DMRT3: variants seen among roughly 807,000 people sequenced by gnomAD.
DMRT3 encodes the protein doublesex and mab-3 related transcription factor 3, also known as doublesex- and mab-3-related transcription factor 3.
A neutral mutation model predicts 34.9 loss-of-function variants in DMRT3; 29 were observed. The ratio of observed to expected loss-of-function variants is 0.83; its 90% CI spans 0.62 to 1.13. DMRT3 has a LOEUF of 1.13. Ranked by LOEUF, DMRT3 falls within the 50% of genes most tolerant of loss-of-function variation. DMRT3 has a pLI of 0.00. For synonymous variants in DMRT3, 350 were observed against 286.0 expected, an observed-to-expected ratio of 1.22 and a Z score of -2.26; for missense variants, 772 against 629.1, an observed-to-expected ratio of 1.23 and a Z score of -2.43.
rs1445012522 is a variant in DMRT3, at chr9:976,826, G to A, written c.-176G>A. ...CCGAGCTGTGAGCGCGAAGGGAGCT[G>A]GAGAGACGACTGCGGCACCTCCGGC... On this transcript the variant is annotated 5_prime_UTR_variant, in exon 1 of 2. Coordinates refer to ENST00000190165, the MANE Select transcript of DMRT3 (RefSeq NM_021240.4). This position sits in a 1 kb window ranked among gnomAD's most constrained non-coding sequence, Gnocchi z 4.5. The A allele has an allele frequency of 3.7e-6, 2 of 540,630 alleles. No individual in the cohort carries two copies. The highest frequency in any genetic ancestry group is 2.0e-5 in the African/African-American group (1 of 50,296). The allele number at this position is 540,630 out of a possible 1,614,324, so 33.5% of individuals were successfully genotyped here. A position where few individuals can be genotyped will look rare whatever the true frequency, so the allele number is the denominator to read the frequency against.
At chr9:977,545 A>G (rs1325357055) in intron 1 of DMRT3, 90 bp downstream of exon 1, 2 of 1,127,440 alleles carry the variant, frequency 1.8e-6, no homozygotes, top group African/African-American at 1.6e-5. Context: ...ACTGGAGGCA[A>G]AGTTTTGGGA....
chr9:990,647 T>C lies in DMRT3; in HGVS notation c.1061T>C (p.Leu354Ser), dbSNP rs776236381. The C allele has an allele frequency of 5.6e-6, 9 of 1,614,030 alleles. No individual in the cohort carries two copies. The highest frequency in any genetic ancestry group is 7.6e-6 in the Non-Finnish European group (9 of 1,180,022). The part of the protein sequence containing the change: ...ADSSNVVPSP[L>S]AGPLQPPFPQ... Reference sequence around the variant, plus strand: ...TCTAGCAACGTTGTCCCCAGTCCCTTGGCTGGGCCTCTGCAGCCCCCTTTC... The same window carrying C: ...TCTAGCAACGTTGTCCCCAGTCCCTCGGCTGGGCCTCTGCAGCCCCCTTTC... Residue 354 changes from leucine to serine, a missense_variant, in exon 2 of 2, where the codon TTG (leucine) becomes TCG (serine). Transcript: ENST00000190165.
At chr9:981,330 C>T (rs925070846) in intron 1 of DMRT3, among the ~76,000 whole-genome samples, 2 of 151,876 alleles carry the variant, frequency 1.3e-5, no homozygotes, top group African/African-American at 2.4e-5. Context: ...ACGGAACACT[C>T]GTCCAGGCCA....
intron 1 of DMRT3, among the ~76,000 whole-genome samples, chr9:988,909 C>T (rs1820316426): frequency 1.3e-5 from 2 of 152,210 alleles, no homozygotes; most frequent in Admixed American, 1.3e-4. Context: ...AAATATGTTT[C>T]TTTATTATAA....
intron 1 of DMRT3, among the ~76,000 whole-genome samples, chr9:978,310 C>T (rs1289172775): frequency 6.6e-6 from 1 of 152,196 alleles, no homozygotes; most frequent in African/African-American, 2.4e-5. Flanking sequence ...GTCTCTTAGT[C>T]TCTCTCTTCC....
rs768047861 is a variant in DMRT3, at chr9:990,571, T to G, written c.985T>G (p.Ser329Ala). 1 of 1,614,110 alleles carries G rather than the reference T, an allele frequency of 6.2e-7. No homozygotes were observed. The highest frequency in any genetic ancestry group is 8.5e-7 in the Non-Finnish European group (1 of 1,180,028). Reference protein sequence around the residue: ...SSYPISSSKWSVGSAFRVPDT... With the variant: ...SSYPISSSKWAVGSAFRVPDT... ...CTACCCCATCTCGTCTTCCAAATGG[T>G]CTGTGGGATCAGCCTTTCGAGTCCC... Residue 329 changes from serine (S) to alanine (A), a missense_variant, in exon 2 of 2, where the codon TCT (serine) becomes GCT (alanine). Coordinates refer to ENST00000190165, the MANE Select transcript of DMRT3 (RefSeq NM_021240.4).
chr9:985,794 G>A (rs1725115242), intron 1 of DMRT3, among the ~76,000 whole-genome samples: 1 of 152,178 alleles, frequency 6.6e-6, no homozygotes, highest in South Asian at 2.1e-4. Flanking sequence ...CATGTTGATG[G>A]GGATTTGGCT....
intron 1 of DMRT3, among the ~76,000 whole-genome samples, chr9:981,540 A>C (rs979706605): frequency 6.6e-6 from 1 of 152,218 alleles, no homozygotes; most frequent in Non-Finnish European, 1.5e-5. Flanking sequence ...TACAGGCACT[A>C]AGGTCTCTTC....
At chr9:980,864 C>A (rs1369608304) in intron 1 of DMRT3, among the ~76,000 whole-genome samples, 1 of 152,118 alleles carries the variant, frequency 6.6e-6, no homozygotes. Flanking sequence ...CCCTTCCCTA[C>A]CCCCAACTTT....
rs567149898 is a variant in DMRT3, at chr9:990,204, T to C, written c.618T>C (p.Ala206=). 6.2e-6 allele frequency: 10 copies of C among 1,613,970 alleles called. No individual in the cohort carries two copies. In the South Asian group the frequency reaches 9.9e-5, roughly 16 times the overall value. The part of the protein sequence containing the change: ...EIVSVEEGGY[A]VQKNGGNPES... ...TGTCCGTGGAGGAAGGGGGATACGC[T>C]GTCCAGAAAAACGGAGGCAACCCCG... Residue 206 remains alanine (A), a synonymous_variant, in exon 2 of 2, where the codon GCT becomes GCC. Coordinates refer to ENST00000190165, the MANE Select transcript of DMRT3 (RefSeq NM_021240.4).
chr9:987,383 AT>A (rs1294191564), intron 1 of DMRT3, among the ~76,000 whole-genome samples: 1 of 150,982 alleles, frequency 6.6e-6, no homozygotes, highest in Non-Finnish European at 1.5e-5. Context: ...TTGGAATTCC[AT>A]TCCTTTTTAA....
Position 983,212 on chromosome 9 carries a change from G to A in DMRT3, c.454+5757G>A, listed in dbSNP as rs146509695. On this transcript the variant is annotated intron_variant, in intron 1 of 1. Transcript: ENST00000190165. ...AATAATAATGAAAAACTTAAGAGTC[G>A]GCACATCAATTCTTTACAAAATCTC... 6.8e-3 allele frequency among the ~76,000 whole-genome samples: 1,037 copies of A among 152,056 alleles called. 7 individuals are homozygous for A. Among genetic ancestry groups the A allele is most frequent in the African/African-American group, 0.024 (997 of 41,432 alleles).
At chr9:984,618 G>A (rs927175534) in intron 1 of DMRT3, among the ~76,000 whole-genome samples, 4 of 151,840 alleles carry the variant, frequency 2.6e-5, no homozygotes, top group Non-Finnish European at 5.9e-5. Context: ...CACCATGCTC[G>A]GCTATTTTTT....
chr9:990,400 A>C lies in DMRT3; in HGVS notation c.814A>C (p.Lys272Gln), dbSNP rs761022905. The part of the protein sequence containing the change: ...QKPTVLELIL[K>Q]GCGGDLVSAV... Reference sequence around the variant, plus strand: ...GCCAACGGTGCTTGAGCTCATCCTCAAGGGCTGTGGCGGGGACCTGGTGAG... The same window carrying C: ...GCCAACGGTGCTTGAGCTCATCCTCCAGGGCTGTGGCGGGGACCTGGTGAG... The change falls in exon 2 of 2, where the codon AAG (lysine) becomes CAG (glutamine). Residue 272 changes from lysine (K) to glutamine (Q), a missense_variant. Lys to Gln is a moderately conservative substitution (Grantham distance 53). Coordinates refer to ENST00000190165, the MANE Select transcript of DMRT3 (RefSeq NM_021240.4). 1.9e-6 allele frequency: 3 copies of C among 1,614,032 alleles called. No homozygotes were observed. The East Asian group carries it at 6.7e-5, about 36-fold the overall frequency.
At chr9:987,508 C>T (rs1820301020) in intron 1 of DMRT3, among the ~76,000 whole-genome samples, 1 of 151,208 alleles carries the variant, frequency 6.6e-6, no homozygotes, top group South Asian at 2.1e-4. Context: ...GTTGCTTTCA[C>T]CTTTTGGCTA....
At chr9:982,186 C>G (rs1464366846) in intron 1 of DMRT3, among the ~76,000 whole-genome samples, 2 of 152,334 alleles carry the variant, frequency 1.3e-5, no homozygotes, top group East Asian at 1.9e-4. Flanking sequence ...CGCAGGGCAC[C>G]CCTTGGCGGT....
At chr9:979,023 A>T (rs563667550) in intron 1 of DMRT3, among the ~76,000 whole-genome samples, 25 of 152,116 alleles carry the variant, frequency 1.6e-4, no homozygotes, top group African/African-American at 5.5e-4. Context: ...TATTTTCTTA[A>T]TTTTTTTCCA....
intron 1 of DMRT3, among the ~76,000 whole-genome samples, chr9:979,637 G>A (rs1209940937): frequency 4.6e-5 from 7 of 152,042 alleles, no homozygotes; most frequent in African/African-American, 1.5e-4. Flanking sequence ...CACTCTGATG[G>A]GGAGTGGGGA....
At chr9:985,431 T>C (rs1318345326) in intron 1 of DMRT3, among the ~76,000 whole-genome samples, 7 of 152,228 alleles carry the variant, frequency 4.6e-5, no homozygotes, top group Non-Finnish European at 1.0e-4. Context: ...GTTTCACATT[T>C]CTATGTCTAG....
Sources: gnomAD v4.1 joint callset for allele counts (sites outside exome capture counted in the v4.1 genomes callset) on GRCh38, gnomAD v4.1.1 for gene constraint, Gnocchi (gnomAD v3.1) non-coding constraint, MANE v1.5 for transcripts, NCBI Gene and HGNC (gene_info 2026-07-23, HGNC 2026-07-21) for gene names.